MEI4: variants seen among roughly 807,000 people sequenced by gnomAD.
MEI4 encodes meiotic double-stranded break formation protein 4, also known as meiosis-specific protein MEI4.
Under a neutral mutation model 31.4 loss-of-function variants are expected in MEI4, and 27 were observed. The ratio of observed to expected loss-of-function variants is 0.86; its 90% CI spans 0.63 to 1.19. The LOEUF is 1.19. Among genes scored for constraint, MEI4 ranks in the 50% most tolerant of loss-of-function variants. MEI4 has a pLI of 0.00. For missense variants in MEI4, 329 were observed against 398.9 expected, an observed-to-expected ratio of 0.82 and a Z score of 1.49; for synonymous variants, 122 against 145.4, an observed-to-expected ratio of 0.84 and a Z score of 1.16.
chr6:77,663,175 C>G (rs1392351999), intron 1 of MEI4, among the ~76,000 whole-genome samples: 1 of 152,128 alleles, frequency 6.6e-6, no homozygotes, highest in Non-Finnish European at 1.5e-5. Context: ...TAAGGCTTGC[C>G]TGGTTTTAGG....
At chr6:77,778,335 T>G (rs1768508120) in intron 3 of MEI4, among the ~76,000 whole-genome samples, 1 of 151,460 alleles carries the variant, frequency 6.6e-6, no homozygotes, top group African/African-American at 2.4e-5. Context: ...TGGAAAGGAG[T>G]AGGGTGTTAC....
chr6:77,680,792 GAC>G (rs759111806), intron 1 of MEI4, among the ~76,000 whole-genome samples: 1 of 152,162 alleles, frequency 6.6e-6, no homozygotes, highest in Non-Finnish European at 1.5e-5. Flanking sequence ...AAGAAGCCAT[GAC>G]ACACTGTCAG....
chr6:77,690,930 A>C, intron 2 of MEI4, 27 bp downstream of exon 2: 1 of 1,096,474 alleles, frequency 9.1e-7, no homozygotes, highest in Non-Finnish European at 1.2e-6. Flanking sequence ...GCCTTTTGGT[A>C]GTATGTCATA....
intron 2 of MEI4, among the ~76,000 whole-genome samples, chr6:77,701,582 C>T (rs1195274034): frequency 6.6e-6 from 1 of 151,008 alleles, no homozygotes; most frequent in East Asian, 1.9e-4. Flanking sequence ...TAGTATTACA[C>T]ATCTATGTGT....
In MEI4 at chr6:77,924,307, T is replaced by G. The variant is rs1469711416; in HGVS notation, c.*961T>G. The G allele has an allele frequency of 6.6e-6, 1 of 151,896 alleles. No individual in the cohort carries two copies. The highest frequency in any genetic ancestry group is 1.5e-5 in the Non-Finnish European group (1 of 67,886). The allele number at this position is 151,896 out of a possible 1,614,324, so 9.4% of individuals were successfully genotyped here. A position where few individuals can be genotyped will look rare whatever the true frequency, so the allele number is the denominator to read the frequency against. On this transcript the variant is annotated 3_prime_UTR_variant, in exon 5 of 5. Coordinates refer to ENST00000684080, the MANE Select transcript of MEI4 (RefSeq NM_001322247.2). The stretch of plus-strand genomic sequence containing the variant: ...TAGCATTCCTAAATGTCGTTGGCAT[T>G]AAAAGTAATCTTGATAATTCCATCT...
At chr6:77,683,529 T>C (rs1768996081) in intron 1 of MEI4, among the ~76,000 whole-genome samples, 1 of 152,138 alleles carries the variant, frequency 6.6e-6, no homozygotes, top group African/African-American at 2.4e-5. Context: ...AGTGAAACTT[T>C]GTGCCCTTTA....
intron 1 of MEI4, among the ~76,000 whole-genome samples, chr6:77,666,880 T>TGTGTGC (rs1554208081): frequency 0.021 from 3,049 of 147,594 alleles, 46 homozygotes; most frequent in African/African-American, 0.039. Flanking sequence ...TGTGTGTGTG[T>TGTGTGC]GTGCGTGCGT....
upstream of MEI4, among the ~76,000 whole-genome samples, chr6:77,650,598 C>A (rs570702169): frequency 6.4e-4 from 97 of 152,374 alleles, no homozygotes; most frequent in African/African-American, 2.3e-3. Flanking sequence ...GGGCCCTGCA[C>A]AGCTTTCCAG....
intron 1 of MEI4, among the ~76,000 whole-genome samples, chr6:77,659,360 A>G (rs1246883441): frequency 6.6e-6 from 1 of 152,140 alleles, no homozygotes; most frequent in Non-Finnish European, 1.5e-5. Flanking sequence ...CCACAGAGGA[A>G]GAAGAGACCT....
intron 2 of MEI4, among the ~76,000 whole-genome samples, chr6:77,716,538 T>G (rs913843227): frequency 2.0e-5 from 3 of 151,910 alleles, no homozygotes; most frequent in Non-Finnish European, 4.4e-5. Flanking sequence ...TGGCAAGGGG[T>G]GAGGCTGAAT....
At chr6:77,756,672 C>G (rs1213027681) in intron 2 of MEI4, among the ~76,000 whole-genome samples, 2 of 151,366 alleles carry the variant, frequency 1.3e-5, no homozygotes, top group Non-Finnish European at 2.9e-5. Flanking sequence ...TCTCTCTCCC[C>G]CCCGCCGCCT....
intron 2 of MEI4, among the ~76,000 whole-genome samples, chr6:77,699,502 A>G (rs1032917715): frequency 4.6e-5 from 7 of 152,074 alleles, no homozygotes; most frequent in East Asian, 1.9e-4. Context: ...CAAAGTTTCT[A>G]TCTTCTTTGC....
At chr6:77,700,917 C>G (rs1264343741) in intron 2 of MEI4, among the ~76,000 whole-genome samples, 1 of 151,830 alleles carries the variant, frequency 6.6e-6, no homozygotes, top group Non-Finnish European at 1.5e-5. Context: ...CTTAAATGCG[C>G]TTTACTAATT....
At chr6:77,919,373 C>T (rs1392005288) in intron 4 of MEI4, among the ~76,000 whole-genome samples, 2 of 152,066 alleles carry the variant, frequency 1.3e-5, no homozygotes, top group East Asian at 3.9e-4. Flanking sequence ...TACATGGAAA[C>T]TGAACAACCT....
chr6:77,914,440 C>T (rs1038892423), intron 4 of MEI4, among the ~76,000 whole-genome samples: 10 of 151,852 alleles, frequency 6.6e-5, no homozygotes, highest in African/African-American at 1.7e-4. Flanking sequence ...TTTTATTCCA[C>T]TGTGGTCACA....
At chr6:77,700,037 C>CAG (rs1766178533) in intron 2 of MEI4, among the ~76,000 whole-genome samples, 3 of 152,162 alleles carry the variant, frequency 2.0e-5, no homozygotes, top group African/African-American at 7.2e-5. Flanking sequence ...AGGCTTCTCG[C>CAG]GGGTCAGGGA....
chr6:77,908,022 G>C (rs1436692999), intron 4 of MEI4, among the ~76,000 whole-genome samples: 1 of 142,650 alleles, frequency 7.0e-6, no homozygotes, highest in Non-Finnish European at 1.5e-5. Context: ...AAATTTGTTT[G>C]AGTTCATTGT....
intron 1 of MEI4, among the ~76,000 whole-genome samples, chr6:77,660,921 G>C (rs142090085): frequency 1.2e-4 from 18 of 152,242 alleles, no homozygotes; most frequent in African/African-American, 4.1e-4. Flanking sequence ...TGTCCAGCTA[G>C]GGTGTCTTCG....
intron 3 of MEI4, among the ~76,000 whole-genome samples, chr6:77,822,623 C>CTTTTTT (rs1360484388): frequency 1.2e-5 from 1 of 84,552 alleles, no homozygotes; most frequent in Admixed American, 1.2e-4. Context: ...CCCCCCCCCC[C>CTTTTTT]TTTTTTTTTT....
Sources: gnomAD v4.1 joint callset for allele counts (sites outside exome capture counted in the v4.1 genomes callset) on GRCh38, gnomAD v4.1.1 for gene constraint, MANE v1.5 for transcripts, NCBI Gene and HGNC (gene_info 2026-07-23, HGNC 2026-07-21) for gene names.